Variants in AGRN observed in about 807,000 individuals in gnomAD.
AGRN encodes the protein agrin.
AGRN carries 106 observed loss-of-function variants against 211.0 expected under a neutral mutation model. That is an observed-to-expected ratio of 0.50 (90% CI 0.43 to 0.59). The LOEUF (loss-of-function observed/expected upper bound fraction) is 0.59, where lower values mean the gene tolerates loss of function less well. AGRN is among the 20% of genes least tolerant of loss of function. The pLI is 0.00. For missense variants in AGRN, 3,040 were observed against 2,982.6 expected, an observed-to-expected ratio of 1.02 and a Z score of -0.45; for synonymous variants, 1,525 against 1,332.5, an observed-to-expected ratio of 1.14 and a Z score of -3.15.
Position 1,050,411 on chromosome 1 carries a change from C to T in AGRN, c.4977-16C>T, listed in dbSNP as rs1645247986. Reference sequence around the variant, plus strand: ...GGAGGGGACAGCAAAGACACCCCGACTCCCCATGACCCCAGGGAGAAGATG... The same window carrying T: ...GGAGGGGACAGCAAAGACACCCCGATTCCCCATGACCCCAGGGAGAAGATG... On this transcript the variant is annotated splice_polypyrimidine_tract_variant and intron_variant, in intron 28 of 35. Coordinates refer to ENST00000379370, the MANE Select transcript of AGRN (RefSeq NM_198576.4). 1 of 1,612,836 alleles carries T rather than the reference C, an allele frequency of 6.2e-7. No homozygotes were observed. The highest frequency in any genetic ancestry group is 8.5e-7 in the Non-Finnish European group (1 of 1,179,864).
intron 31 of AGRN, 35 bp downstream of exon 31, chr1:1,051,404 G>T: frequency 6.5e-7 from 1 of 1,543,724 alleles, no homozygotes; most frequent in South Asian, 1.2e-5. Flanking sequence ...CAGGGCCTCC[G>T]GGGCGGGCGG....
intron 33 of AGRN, chr1:1,053,332 C>T: frequency 1.2e-6 from 1 of 835,652 alleles, no homozygotes; most frequent in East Asian, 6.3e-5. Context: ...TGGTGGGCGG[C>T]CAGTGATCCT....
At chr1:1,025,241 T>G (rs899511995) in intron 2 of AGRN, among the ~76,000 whole-genome samples, 1 of 152,162 alleles carries the variant, frequency 6.6e-6, no homozygotes, top group Non-Finnish European at 1.5e-5. Context: ...AGCCCGGCCC[T>G]GCCCAGCTCT....
chr1:1,028,481 G>A (rs933848211), intron 2 of AGRN, among the ~76,000 whole-genome samples: 13 of 152,044 alleles, frequency 8.6e-5, no homozygotes, highest in African/African-American at 2.9e-4. Context: ...ATGGGCCAAG[G>A]GCGCCCACAC....
intron 3 of AGRN, 148 bp downstream of exon 3, chr1:1,035,472 C>G: frequency 8.9e-7 from 1 of 1,129,568 alleles, no homozygotes; most frequent in Non-Finnish European, 1.3e-6. Flanking sequence ...CCTGGGAGTC[C>G]GCAGCGGTGG....
chr1:1,048,480 C>A lies in AGRN; in HGVS notation c.4105+115C>A. 1.1e-6 allele frequency: 1 copy of A among 950,894 alleles called. No individual in the cohort carries two copies. The highest frequency in any genetic ancestry group is 1.5e-6 in the Non-Finnish European group (1 of 665,534). 58.9% of individuals were successfully genotyped at this position (950,894 alleles called of 1,614,324 possible). ...TTGGGGGCAGGAGCCCGGATTAAGG[C>A]GGGGTTTCGGCCAGATGCGGTGGCT... On this transcript the variant is annotated intron_variant, in intron 23 of 35. Transcript: ENST00000379370. The surrounding 1 kb of genome is among the most constrained non-coding windows in gnomAD (Gnocchi z 5.9).
intron 2 of AGRN, among the ~76,000 whole-genome samples, chr1:1,030,890 T>C (rs1644656066): frequency 1.2e-5 from 1 of 83,342 alleles, no homozygotes; most frequent in Non-Finnish European, 2.5e-5. Context: ...GAGATCAGCA[T>C]GTGTGTGTGT....
At chr1:1,049,532 CT>C in intron 25 of AGRN, 33 bp from the exon 26 acceptor site, 1 of 1,590,758 alleles carries the variant, frequency 6.3e-7, no homozygotes, top group Non-Finnish European at 8.5e-7. Flanking sequence ...CCTGTGGCCC[CT>C]GAGCCCTGAC....
rs1557719897 is a variant in AGRN, at chr1:1,050,488, A to G, written c.5038A>G (p.Asn1680Asp). 5 of 1,612,862 alleles carry G rather than the reference A, an allele frequency of 3.1e-6. No individual in the cohort carries two copies. The South Asian group carries it at 3.3e-5, about 11-fold the overall frequency. ...AGGCCCCAGCGGCCTCCTGCTCTAC[A>G]ACGGGCAGAAGACGGACGGCAAGGG... ...ARGPSGLLLY[N>D]GQKTDGKGDF... The change falls in exon 29 of 36, where the codon AAC (asparagine) becomes GAC (aspartate). Residue 1680 changes from asparagine to aspartate, a missense_variant. Around this residue, in one of 3 missense-constraint regions of AGRN, gnomAD observed 1,537 missense variants for 1,505.0 expected, o/e 1.02. Coordinates refer to ENST00000379370, the MANE Select transcript of AGRN (RefSeq NM_198576.4).
intron 2 of AGRN, 103 bp from the exon 3 acceptor site, chr1:1,035,169 TGGGGG>T: frequency 8.5e-6 from 8 of 941,718 alleles, no homozygotes; most frequent in Middle Eastern, 3.2e-4. Context: ...GGGCTAGCGG[TGGGGG>T]GGGGGGGGTG....
chr1:1,024,888 C>T (rs1233339717), intron 2 of AGRN, among the ~76,000 whole-genome samples: 2 of 152,240 alleles, frequency 1.3e-5, no homozygotes, highest in Non-Finnish European at 2.9e-5. Flanking sequence ...CTGCTCCCTC[C>T]GGAAGGAGAC....
chr1:1,041,153 C>CGGCAAA lies in AGRN; in HGVS notation c.728-18_728-13dup. On this transcript the variant is annotated intron_variant, in intron 4 of 35. Transcript: ENST00000379370. ...CGGGGGCGGGGGCGGCCCGTCTGAC[C>CGGCAAA]GGCAAAGCCCCGCCCGCAGGCTCGC... 3 of 1,361,500 alleles carry CGGCAAA rather than the reference C, an allele frequency of 2.2e-6. No homozygotes were observed. The highest frequency in any genetic ancestry group is 2.8e-6 in the Non-Finnish European group (3 of 1,060,070). 84.3% of individuals were successfully genotyped at this position (1,361,500 alleles called of 1,614,324 possible). A position where few individuals can be genotyped will look rare whatever the true frequency, so the allele number is the denominator to read the frequency against.
rs188768859 is a variant in AGRN, at chr1:1,026,226, G to A, written c.463+3764G>A. Among the ~76,000 whole-genome samples the A allele has an allele frequency of 2.4e-3, 373 of 152,298 alleles. 1 individual carries two copies. The highest frequency in any genetic ancestry group is 2.1e-3 in the Non-Finnish European group (145 of 68,022). ...TTGTTTTGGAACTGGGCTCGCTCCC[G>A]CTTGTCCACACTGGCCGCTCTGGTG... is the stretch of plus-strand genomic sequence containing the variant. On this transcript the variant is annotated intron_variant, in intron 2 of 35. Transcript: ENST00000379370.
At position 1,047,610 on chromosome 1, in the gene AGRN, A is replaced by G. The variant is rs914794972; in HGVS notation, c.3554A>G (p.Asp1185Gly). The part of the protein sequence containing the change: ...DLFRNSDVKK[D>G]FRSVRLRDLG... ...TTCCGGAATTCAGACGTCAAGAAGG[A>G]TTTTCGGAGTGTCCGCTTGCGGGAC... is the stretch of plus-strand genomic sequence containing the variant. The change falls in exon 21 of 36, where the codon GAT (aspartate) becomes GGT (glycine). Residue 1185 changes from aspartate to glycine, a missense_variant. By Grantham distance (94) the Asp-to-Gly change is moderately conservative. Coordinates refer to ENST00000379370, the MANE Select transcript of AGRN (RefSeq NM_198576.4). The G allele has an allele frequency of 6.2e-7, 1 of 1,612,798 alleles. No homozygotes were observed. The highest frequency in any genetic ancestry group is 1.3e-5 in the African/African-American group (1 of 74,884).
rs768077736 is a variant in AGRN at position 1,046,968 on chromosome 1, G to A, written c.3388+11G>A. 8.3e-6 allele frequency: 13 copies of A among 1,571,012 alleles called. No individual in the cohort carries two copies. Among genetic ancestry groups the A allele is most frequent in the African/African-American group, 4.0e-5 (3 of 74,126 alleles). On this transcript the variant is annotated intron_variant, in intron 19 of 35. Coordinates refer to ENST00000379370, the MANE Select transcript of AGRN (RefSeq NM_198576.4). ...GCTCCAACTGCCCCGGTGAGTGGAC[G>A]GCTGGGCGAGGGGAGTGTGAGGATA...
At position 1,035,274 on chromosome 1, in the gene AGRN, C is replaced by A. The variant is rs1407271813; in HGVS notation, c.464-3C>A. ...CCTAACTTGGGGATTTGTTTTCTTC[C>A]AGATAAACCCGGGACCCACTTCACT... On this transcript the variant is annotated splice_polypyrimidine_tract_variant and splice_region_variant and intron_variant, in intron 2 of 35. Transcript: ENST00000379370. The A allele has an allele frequency of 6.2e-7, 1 of 1,612,906 alleles. No homozygotes were observed. The highest frequency in any genetic ancestry group is 8.5e-7 in the Non-Finnish European group (1 of 1,179,980).
rs1271325799 is a variant in AGRN, at chr1:1,047,846, C to T, written c.3702C>T (p.Ser1234=). The change falls in exon 22 of 36, where the codon TCC becomes TCT. Residue 1234 remains serine, a synonymous_variant. Coordinates refer to ENST00000379370, the MANE Select transcript of AGRN (RefSeq NM_198576.4). The stretch of plus-strand genomic sequence containing the variant: ...AGATCCAGGTGTCCAGGCGCCGGTC[C>T]TTGGGGGTGAGGCGGCCGCTGCAGG... ...LRQIQVSRRR[S]LGVRRPLQEH... is the part of the protein sequence containing the mutation. The T allele has an allele frequency of 1.9e-6, 3 of 1,605,984 alleles. No individual in the cohort carries two copies. The highest frequency in any genetic ancestry group is 2.5e-6 in the Non-Finnish European group (3 of 1,177,048).
intron 19 of AGRN, 162 bp from the exon 20 acceptor site, chr1:1,047,165 A>G (rs1645122559): frequency 5.2e-6 from 7 of 1,358,772 alleles, no homozygotes; most frequent in South Asian, 1.5e-5. Flanking sequence ...TCCTCCTGGT[A>G]ACCGACACCA....
Position 1,041,986 on chromosome 1 carries a change from C to G in AGRN, c.1208C>G (p.Ala403Gly). The G allele has an allele frequency of 1.2e-6, 2 of 1,611,722 alleles. No individual in the cohort carries two copies. The highest frequency in any genetic ancestry group is 2.7e-5 in the African/African-American group (2 of 75,024). ...TGCCCGGAGCCCTGCCGGTTCAATG[C>G]CGTGTGCCTGTCCCGCCGTGGCCGT... is the stretch of plus-strand genomic sequence containing the variant. ...DQCPEPCRFNAVCLSRRGRPR... is the reference protein window; with the variant it reads ...DQCPEPCRFNGVCLSRRGRPR... The change falls in exon 7 of 36, where the codon GCC becomes GGC. Residue 403 changes from alanine to glycine, a missense_variant. Around this residue, in one of 3 missense-constraint regions of AGRN, gnomAD observed 1,498 missense variants for 1,457.8 expected, o/e 1.03. Transcript: ENST00000379370.
Sources: allele counts gnomAD v4.1 joint callset (sites outside exome capture counted in the v4.1 genomes callset), GRCh38; gene constraint gnomAD v4.1.1; regional missense constraint gnomAD v4.1.1; non-coding constraint Gnocchi (gnomAD v3.1); transcripts MANE v1.5; gene names NCBI Gene and HGNC (gene_info 2026-07-23, HGNC 2026-07-21).